NRG3: variants seen among roughly 807,000 people sequenced by gnomAD.
NRG3 encodes the protein pro-neuregulin-3, membrane-bound isoform.
Under a neutral mutation model 66.9 loss-of-function variants are expected in NRG3, and 31 were observed. That is an observed-to-expected ratio of 0.46 (90% CI 0.35 to 0.63). The LOEUF is 0.63. Ranked by LOEUF, NRG3 falls within the 20% of genes least tolerant of loss-of-function variation. The pLI is 0.00. For missense variants in NRG3, 910 were observed against 878.9 expected, an observed-to-expected ratio of 1.04 and a Z score of -0.45; for synonymous variants, 393 against 359.4, an observed-to-expected ratio of 1.09 and a Z score of -1.06.
At chr10:82,388,140 A>C (rs899529167) in intron 2 of NRG3, among the ~76,000 whole-genome samples, 5 of 151,930 alleles carry the variant, frequency 3.3e-5, no homozygotes, top group Non-Finnish European at 7.3e-5. Flanking sequence ...ACTTCACTGA[A>C]ACAACAAAAT....
chr10:82,871,842 A>T (rs1841372538), intron 4 of NRG3, among the ~76,000 whole-genome samples: 1 of 151,998 alleles, frequency 6.6e-6, no homozygotes, highest in Admixed American at 6.6e-5. Context: ...AACCTAAGCA[A>T]TCAGGTCATC....
At chr10:82,346,588 T>A (rs577408702) in intron 1 of NRG3, among the ~76,000 whole-genome samples, 7 of 152,064 alleles carry the variant, frequency 4.6e-5, no homozygotes, top group South Asian at 4.1e-4. Flanking sequence ...ATAAAACGAG[T>A]TAGGGAGGAT....
At chr10:82,827,204 T>TAAAAAAAAAAAAAAA (rs5786573) in intron 3 of NRG3, 1 of 183,538 alleles carries the variant, frequency 5.4e-6, no homozygotes, top group Non-Finnish European at 1.1e-5. Flanking sequence ...TACCAAATTG[T>TAAAAAAAAAAAAAAA]AAAAAAAAAA....
intron 1 of NRG3, among the ~76,000 whole-genome samples, chr10:82,231,727 G>A (rs531053391): frequency 6.6e-6 from 1 of 152,118 alleles, no homozygotes; most frequent in African/African-American, 2.4e-5. Context: ...ATAATTCAGT[G>A]TGTGAAAACT....
intron 2 of NRG3, among the ~76,000 whole-genome samples, chr10:82,572,831 A>G (rs983108121): frequency 5.9e-5 from 9 of 151,732 alleles, no homozygotes; most frequent in African/African-American, 1.7e-4. Flanking sequence ...AAGAGAGAAC[A>G]TTTTGCCATG....
chr10:82,962,251 T>G (rs1474080690), intron 6 of NRG3, among the ~76,000 whole-genome samples: 1 of 152,074 alleles, frequency 6.6e-6, no homozygotes, highest in African/African-American at 2.4e-5. Flanking sequence ...GTGTCTCAAG[T>G]AAGAAAGAGC....
At chr10:82,038,344 A>G (rs1210952650) in intron 1 of NRG3, among the ~76,000 whole-genome samples, 2 of 152,090 alleles carry the variant, frequency 1.3e-5, no homozygotes, top group Non-Finnish European at 2.9e-5. Flanking sequence ...CCCTTTCCAA[A>G]CACCAGGCTG....
At chr10:81,973,576 T>G (rs2133387290) in intron 1 of NRG3, among the ~76,000 whole-genome samples, 1 of 152,302 alleles carries the variant, frequency 6.6e-6, no homozygotes, top group Non-Finnish European at 1.5e-5. Flanking sequence ...ATCTGTTATT[T>G]TTTTGACTTT....
At chr10:81,926,647 T>A (rs556570591) in intron 1 of NRG3, among the ~76,000 whole-genome samples, 3 of 152,220 alleles carry the variant, frequency 2.0e-5, no homozygotes, top group African/African-American at 7.2e-5. Flanking sequence ...TCCCAATCTT[T>A]TATTGTGGAA....
intron 1 of NRG3, among the ~76,000 whole-genome samples, chr10:81,973,774 T>C (rs1346018086): frequency 2.0e-5 from 3 of 152,206 alleles, no homozygotes; most frequent in Non-Finnish European, 4.4e-5. Flanking sequence ...TTCTTTTAAA[T>C]ATGTTTAAGT....
intron 1 of NRG3, among the ~76,000 whole-genome samples, chr10:81,956,811 A>G (rs545572201): frequency 2.8e-4 from 43 of 152,160 alleles, no homozygotes; most frequent in African/African-American, 8.7e-4. Context: ...ACATACTACC[A>G]AACTCCTCAC....
chr10:82,300,689 G>GA (rs2080348142), intron 1 of NRG3, among the ~76,000 whole-genome samples: 1 of 152,168 alleles, frequency 6.6e-6, no homozygotes, highest in Non-Finnish European at 1.5e-5. Flanking sequence ...TATATCTACA[G>GA]AAAATCACAA....
chr10:82,871,327 C>G (rs1591789822), intron 4 of NRG3, among the ~76,000 whole-genome samples: 1 of 150,740 alleles, frequency 6.6e-6, no homozygotes, highest in Non-Finnish European at 1.5e-5. Flanking sequence ...ATTACTATAG[C>G]TTTATAATAA....
At chr10:82,712,461 C>T (rs2056731045) in intron 2 of NRG3, among the ~76,000 whole-genome samples, 4 of 152,134 alleles carry the variant, frequency 2.6e-5, no homozygotes, top group Middle Eastern at 3.2e-3. Flanking sequence ...ATCAGAAACA[C>T]GTGGAGGGCT....
chr10:82,802,262 G>T (rs185088507), intron 3 of NRG3, among the ~76,000 whole-genome samples: 1 of 152,184 alleles, frequency 6.6e-6, no homozygotes, highest in South Asian at 2.1e-4. Flanking sequence ...TGCCACAAAT[G>T]AGTAGCATCT....
At position 82,623,753 on chromosome 10, in the gene NRG3, A is replaced by G. The variant is rs143905006; in HGVS notation, c.954-114824A>G. 4.1e-3 allele frequency among the ~76,000 whole-genome samples: 622 copies of G among 152,304 alleles called. 9 individuals carry two copies. The highest frequency in any genetic ancestry group is 0.014 in the African/African-American group (599 of 41,556). On this transcript the variant is annotated intron_variant, in intron 2 of 8. Transcript: ENST00000372141. ...TTATGACATTTATTTTTAAATATAT[A>G]GTCCCTACCCAGTGTTCTGGGATAT...
chr10:82,576,134 A>G lies in NRG3; in HGVS notation c.954-162443A>G, dbSNP rs568584226. 1.2e-3 allele frequency among the ~76,000 whole-genome samples: 177 copies of G among 151,692 alleles called. 1 individual carries two copies. Among genetic ancestry groups the G allele is most frequent in the African/African-American group, 3.9e-3 (162 of 41,456 alleles). ...GTGGGAGAGGAGAAACTATGAATCA[A>G]TTTTCAGACATCTTTTTCTCCTCTG... On this transcript the variant is annotated intron_variant, in intron 2 of 8. Coordinates refer to ENST00000372141, the MANE Select transcript of NRG3 (RefSeq NM_001010848.4).
chr10:82,655,800 T>C (rs2051800315), intron 2 of NRG3, among the ~76,000 whole-genome samples: 1 of 152,146 alleles, frequency 6.6e-6, no homozygotes, highest in African/African-American at 2.4e-5. Flanking sequence ...TTAGCAAGCA[T>C]AATATAAATC....
At chr10:81,927,967 A>T (rs1039611845) in intron 1 of NRG3, among the ~76,000 whole-genome samples, 1 of 152,238 alleles carries the variant, frequency 6.6e-6, no homozygotes, top group African/African-American at 2.4e-5. Context: ...TAATAAATCT[A>T]AGTGACTTTT....
Sources: allele counts gnomAD v4.1 joint callset (sites outside exome capture counted in the v4.1 genomes callset), GRCh38; gene constraint gnomAD v4.1.1; transcripts MANE v1.5; gene names NCBI Gene and HGNC (gene_info 2026-07-23, HGNC 2026-07-21).